The following MICALL2 variants were observed in gnomAD, a reference collection of about 807,000 sequenced individuals.
MICALL2 encodes the protein MICAL-like protein 2.
A neutral mutation model predicts 91.1 loss-of-function variants in MICALL2; 111 were observed. That is an observed-to-expected ratio of 1.22 (90% CI 1.04 to 1.43). The LOEUF (loss-of-function observed/expected upper bound fraction) is 1.43, where lower values mean the gene tolerates loss of function less well. Ranked by LOEUF, MICALL2 falls within the 40% of genes most tolerant of loss-of-function variation. The pLI is 0.00. For synonymous variants in MICALL2, 694 were observed against 525.3 expected (o/e 1.32, Z -4.39); for missense variants, 1,556 against 1,236.0 (o/e 1.26, Z -3.88).
rs914369755 is a variant in MICALL2 at position 1,437,233 on chromosome 7, GCTACA to G, written c.2476+297_2476+301del. ...ATGCCTATGGCTCGCCCTGACTGCT[GCTACA>G]CTAAATGCCTTGTGCGAATTGATTC... On this transcript the variant is annotated intron_variant, in intron 14 of 16. Transcript: ENST00000297508. 8 of 500,314 alleles carry G rather than the reference GCTACA, an allele frequency of 1.6e-5. No homozygotes were observed. In the African/African-American group the frequency reaches 1.6e-4, roughly 10 times the overall value. 31.0% of individuals were successfully genotyped at this position (500,314 alleles called of 1,614,324 possible).
rs1780874425 is a variant in MICALL2, at chr7:1,452,571, C to A, written c.144-2283G>T. Among the ~76,000 whole-genome samples the A allele has an allele frequency of 6.6e-6, 1 of 152,168 alleles. No homozygotes were observed. The highest frequency in any genetic ancestry group is 1.5e-5 in the Non-Finnish European group (1 of 68,014). On this transcript the variant is annotated intron_variant, in intron 1 of 16. Coordinates refer to ENST00000297508, the MANE Select transcript of MICALL2 (RefSeq NM_182924.4). The surrounding 1 kb of genome is among the most constrained non-coding windows in gnomAD (Gnocchi z 6.2). The stretch of plus-strand genomic sequence containing the variant: ...CAAGTCTGTTTTTTCTCTAAACAAG[C>A]AGGAGGAGGAGGCTGTCTGCCTCCC...
chr7:1,445,535 G>C, intron 5 of MICALL2, 107 bp from the exon 6 acceptor site: 1 of 1,156,846 alleles, frequency 8.6e-7, no homozygotes, highest in Non-Finnish European at 1.2e-6. Context: ...GTCCACTTGC[G>C]AGGTTGCTGA....
chr7:1,448,247 C>T (rs886677778), intron 3 of MICALL2, among the ~76,000 whole-genome samples: 2 of 152,246 alleles, frequency 1.3e-5, no homozygotes, highest in Non-Finnish European at 2.9e-5. Context: ...GCCAAGCCAC[C>T]CCAGTGGGCA....
intron 7 of MICALL2, chr7:1,441,973 C>T (rs1003112128): frequency 4.0e-5 from 24 of 606,098 alleles, no homozygotes; most frequent in Admixed American, 9.4e-5. Context: ...GGCTGGGTGC[C>T]GGCAAACAGC....
At chr7:1,448,901 C>A in intron 2 of MICALL2, 140 bp from the exon 3 acceptor site, 2 of 968,222 alleles carry the variant, frequency 2.1e-6, no homozygotes, top group Non-Finnish European at 3.0e-6. Flanking sequence ...GTTCTGCTCG[C>A]GTGGCCTCCC....
At position 1,451,576 on chromosome 7, in the gene MICALL2, C is replaced by T. The variant is rs1780829820; in HGVS notation, c.144-1288G>A. Among the ~76,000 whole-genome samples, 2 of 152,168 alleles carry T rather than the reference C, an allele frequency of 1.3e-5. No homozygotes were observed. The highest frequency in any genetic ancestry group is 1.3e-4 in the Admixed American group (2 of 15,288). On this transcript the variant is annotated intron_variant, in intron 1 of 16. Coordinates refer to ENST00000297508, the MANE Select transcript of MICALL2 (RefSeq NM_182924.4). The surrounding 1 kb of genome is among the most constrained non-coding windows in gnomAD (Gnocchi z 4.5). The stretch of plus-strand genomic sequence containing the variant: ...GTGGGGTCCCGGACAGCAGCTGCTG[C>T]CATGTCAGCGTGAACTGGACTGTTC...
chr7:1,442,361 C>T lies in MICALL2; in HGVS notation c.1542G>A (p.Met514Ile). 1 of 1,612,290 alleles carries T rather than the reference C, an allele frequency of 6.2e-7. No homozygotes were observed. The highest frequency in any genetic ancestry group is 8.5e-7 in the Non-Finnish European group (1 of 1,179,222). Residue 514 changes from methionine to isoleucine, a missense_variant, in exon 7 of 17, where the codon ATG becomes ATA. Met to Ile is a conservative substitution (Grantham distance 10). Coordinates refer to ENST00000297508, the MANE Select transcript of MICALL2 (RefSeq NM_182924.4). ...SPRVLGLPSR[M>I]EPPAPLSTSS... Reference sequence around the variant, plus strand: ...TCGTGCTCAGCGGGGCTGGCGGTTCCATCCTCGAAGGGAGGCCAAGCACCC... The same window carrying T: ...TCGTGCTCAGCGGGGCTGGCGGTTCTATCCTCGAAGGGAGGCCAAGCACCC...
At chr7:1,454,556 C>T (rs1247754994) in intron 1 of MICALL2, among the ~76,000 whole-genome samples, 1 of 152,178 alleles carries the variant, frequency 6.6e-6, no homozygotes, top group East Asian at 1.9e-4. Flanking sequence ...CTGGGCAGTC[C>T]CCCTGCAGTA....
In MICALL2 at chr7:1,438,319, C is replaced by T. The variant is rs751060693; in HGVS notation, c.2157G>A (p.Leu719=). 6.2e-7 allele frequency: 1 copy of T among 1,604,530 alleles called. No individual in the cohort carries two copies. The highest frequency in any genetic ancestry group is 8.5e-7 in the Non-Finnish European group (1 of 1,176,622). ...CTGGGGAGGTCACCGTCTCGCCAGG[C>T]AGAGCAGGGACATTGGCCGGGGACA... The part of the protein sequence containing the change: ...RPLSPANVPA[L]PGETVTSPVR... Residue 719 remains leucine, a synonymous_variant, in exon 11 of 17, where the codon CTG becomes CTA. Transcript: ENST00000297508.
At chr7:1,435,745 G>A (rs925058898) in intron 15 of MICALL2, among the ~76,000 whole-genome samples, 1 of 152,230 alleles carries the variant, frequency 6.6e-6, no homozygotes, top group Non-Finnish European at 1.5e-5. Context: ...ACGTGGCCTT[G>A]GAAGTTCAAG....
intron 1 of MICALL2, 130 bp from the exon 2 acceptor site, chr7:1,450,418 G>A (rs1260229149): frequency 7.8e-6 from 6 of 769,270 alleles, no homozygotes; most frequent in Non-Finnish European, 1.2e-5. Flanking sequence ...GGAATGAGGT[G>A]GCACAGGACC....
chr7:1,438,669 T>A, intron 10 of MICALL2, 171 bp downstream of exon 10: 1 of 1,439,198 alleles, frequency 6.9e-7, no homozygotes, highest in Non-Finnish European at 9.1e-7. Context: ...ACAGCTAGGG[T>A]CTCTATTCAT....
Position 1,445,048 on chromosome 7 carries a change from G to A in MICALL2, c.1022C>T (p.Thr341Ile), listed in dbSNP as rs1261516362. The change falls in exon 6 of 17, where the codon ACC becomes ATC. Residue 341 changes from threonine to isoleucine, a missense_variant. Coordinates refer to ENST00000297508, the MANE Select transcript of MICALL2 (RefSeq NM_182924.4). The stretch of plus-strand genomic sequence containing the variant: ...CGACCAGCCCATCGGGGAGCTATTG[G>A]TCACACGAGGGCGGACTTTCCCCTC... Reference protein sequence around the residue: ...PTEGKVRPRVTNSSPMGWSSA... With the variant: ...PTEGKVRPRVINSSPMGWSSA... 3.2e-6 allele frequency: 5 copies of A among 1,542,886 alleles called. No homozygotes were observed. The highest frequency in any genetic ancestry group is 2.7e-5 in the African/African-American group (2 of 72,918).
chr7:1,450,335 G>C, intron 1 of MICALL2, 47 bp from the exon 2 acceptor site: 2 of 1,548,492 alleles, frequency 1.3e-6, no homozygotes, highest in Non-Finnish European at 1.8e-6. Flanking sequence ...AGTCCACGAA[G>C]GGAGGGGCTG....
intron 1 of MICALL2, among the ~76,000 whole-genome samples, chr7:1,456,758 G>A (rs941988786): frequency 5.3e-5 from 8 of 152,038 alleles, no homozygotes; most frequent in Non-Finnish European, 7.4e-5. Context: ...GCGACAGAGC[G>A]AGACTCCAAC....
intron 1 of MICALL2, 65 bp from the exon 2 acceptor site, chr7:1,450,353 T>G: frequency 2.2e-6 from 3 of 1,357,738 alleles, no homozygotes; most frequent in Non-Finnish European, 3.2e-6. Flanking sequence ...CTGGAGGGCC[T>G]CAGAGGTCAT....
At chr7:1,447,944 A>C in intron 3 of MICALL2, 179 bp from the exon 4 acceptor site, 1 of 447,038 alleles carries the variant, frequency 2.2e-6, no homozygotes, top group Non-Finnish European at 3.9e-6. Flanking sequence ...GTCGGTCCCC[A>C]CTCCTTCCCT....
chr7:1,445,810 A>G (rs1166279795), intron 5 of MICALL2, among the ~76,000 whole-genome samples: 1 of 152,110 alleles, frequency 6.6e-6, no homozygotes, highest in Non-Finnish European at 1.5e-5. Context: ...TGGGGGATGG[A>G]ACTGGGAGGA....
At chr7:1,436,094 A>T (rs925513639) in intron 15 of MICALL2, among the ~76,000 whole-genome samples, 3 of 151,220 alleles carry the variant, frequency 2.0e-5, no homozygotes, top group Non-Finnish European at 2.9e-5. Context: ...AAACAAAAAA[A>T]ACTAAGACTT....
Sources: gnomAD v4.1 joint callset for allele counts (sites outside exome capture counted in the v4.1 genomes callset) on GRCh38, gnomAD v4.1.1 for gene constraint, Gnocchi (gnomAD v3.1) non-coding constraint, MANE v1.5 for transcripts, NCBI Gene and HGNC (gene_info 2026-07-23, HGNC 2026-07-21) for gene names.